The following ANO10 variants were observed in gnomAD, a reference collection of about 807,000 sequenced individuals.
The protein encoded by ANO10 is anoctamin-10.
In ANO10, 77 loss-of-function variants were observed where a neutral mutation model predicts 74.7. The observed-to-expected ratio is 1.03, with a 90% confidence interval of 0.86 to 1.25. ANO10 has a LOEUF of 1.25. ANO10 is among the 50% of genes most tolerant of loss of function. ANO10 has a pLI of 0.00. For synonymous variants in ANO10, 279 were observed against 284.9 expected, an observed-to-expected ratio of 0.98 and a Z score of 0.21; for missense variants, 721 against 778.1, an observed-to-expected ratio of 0.93 and a Z score of 0.87.
intron 11 of ANO10, among the ~76,000 whole-genome samples, chr3:43,469,498 G>C (rs1389819187): frequency 6.6e-6 from 1 of 152,104 alleles, no homozygotes; most frequent in African/African-American, 2.4e-5. Context: ...TCCAGGTCCT[G>C]TTCAGTTGTT....
intron 11 of ANO10, among the ~76,000 whole-genome samples, chr3:43,447,375 T>C (rs1201958609): frequency 6.6e-6 from 1 of 152,244 alleles, no homozygotes; most frequent in African/African-American, 2.4e-5. Context: ...CCCAAGGTGA[T>C]ATCCCTCTGG....
intron 7 of ANO10, among the ~76,000 whole-genome samples, chr3:43,568,365 A>G (rs2080491813): frequency 6.6e-6 from 1 of 152,228 alleles, no homozygotes; most frequent in Non-Finnish European, 1.5e-5. Context: ...TCTCCACCCC[A>G]TATCAACAGA....
At chr3:43,466,074 A>G (rs1175878000) in intron 11 of ANO10, among the ~76,000 whole-genome samples, 1 of 152,098 alleles carries the variant, frequency 6.6e-6, no homozygotes, top group African/African-American at 2.4e-5. Context: ...ATGAAGAGTT[A>G]AAACAACAGT....
At chr3:43,685,585 A>G (rs1362278559) in intron 1 of ANO10, among the ~76,000 whole-genome samples, 7 of 152,228 alleles carry the variant, frequency 4.6e-5, no homozygotes, top group Non-Finnish European at 7.3e-5. Context: ...TTAATTTTAC[A>G]TTTTAAAACA....
Position 43,466,795 on chromosome 3 carries a change from T to A in ANO10, c.1798-34068A>T, listed in dbSNP as rs148191116. 2.4e-4 allele frequency among the ~76,000 whole-genome samples: 37 copies of A among 152,286 alleles called. No homozygotes were observed. In the East Asian group the frequency reaches 6.0e-3, roughly 25 times the overall value. On this transcript the variant is annotated intron_variant, in intron 11 of 12. Coordinates refer to ENST00000292246, the MANE Select transcript of ANO10 (RefSeq NM_018075.5). ...AATTAAAAATTTGTCTTCAACACATTATGTTAAGTAAATGAAAAAGCACAT... is the reference window on the plus strand; with the variant it reads ...AATTAAAAATTTGTCTTCAACACATAATGTTAAGTAAATGAAAAAGCACAT...
intron 1 of ANO10, among the ~76,000 whole-genome samples, chr3:43,621,186 T>G (rs1339514397): frequency 1.3e-5 from 2 of 152,086 alleles, no homozygotes; most frequent in Non-Finnish European, 2.9e-5. Flanking sequence ...ATATAAGGTT[T>G]TACAGAAGGC....
intron 1 of ANO10, among the ~76,000 whole-genome samples, chr3:43,673,807 G>A (rs997432814): frequency 6.6e-6 from 1 of 152,024 alleles, no homozygotes; most frequent in African/African-American, 2.4e-5. Flanking sequence ...ATTTTCTGGG[G>A]CTGGGGAACA....
intron 12 of ANO10, among the ~76,000 whole-genome samples, chr3:43,432,228 G>A (rs557173733): frequency 6.0e-5 from 9 of 150,388 alleles, no homozygotes; most frequent in South Asian, 4.2e-4. Flanking sequence ...ATTCTGTCTC[G>A]CTCTCTGAAA....
chr3:43,477,850 C>T (rs767637981), intron 11 of ANO10, among the ~76,000 whole-genome samples: 6 of 152,162 alleles, frequency 3.9e-5, no homozygotes, highest in Non-Finnish European at 8.8e-5. Flanking sequence ...TTATCACTTA[C>T]AATTGGACAG....
At chr3:43,536,995 C>CA (rs5848666) in intron 11 of ANO10, among the ~76,000 whole-genome samples, 52,724 of 78,526 alleles carry the variant, frequency 0.67, 17,684 homozygotes, top group East Asian at 0.83. Flanking sequence ...TTTCATCACT[C>CA]AAAAAAAAAA....
chr3:43,656,252 G>A (rs530758485), intron 1 of ANO10, among the ~76,000 whole-genome samples: 5,119 of 151,986 alleles, frequency 0.034, 192 homozygotes, highest in Non-Finnish European at 0.045. Context: ...TGATTGGTGT[G>A]TTTACAAACC....
intron 4 of ANO10, among the ~76,000 whole-genome samples, chr3:43,591,168 C>G (rs1469934809): frequency 6.6e-6 from 1 of 152,180 alleles, no homozygotes; most frequent in African/African-American, 2.4e-5. Flanking sequence ...TGCTCCGGCT[C>G]AAGCTGAGCT....
intron 11 of ANO10, among the ~76,000 whole-genome samples, chr3:43,443,679 C>CCTTTTTTTTTTT (rs373424427): frequency 8.2e-6 from 1 of 122,034 alleles, no homozygotes. Flanking sequence ...TTCCTTCCTT[C>CCTTTTTTTTTTT]TTTTTTTTTT....
chr3:43,689,217 G>A (rs1423068451), intron 1 of ANO10: 3 of 152,238 alleles, frequency 2.0e-5, no homozygotes, highest in African/African-American at 4.8e-5. Flanking sequence ...ATTTAGAGAG[G>A]ACAACACCCA....
At chr3:43,367,537 G>A (rs377262230) in intron 12 of ANO10, among the ~76,000 whole-genome samples, 3 of 151,956 alleles carry the variant, frequency 2.0e-5, no homozygotes, top group Admixed American at 1.3e-4. Context: ...TCACCCCTCC[G>A]CCCCCATCCT....
chr3:43,531,756 G>A lies in ANO10; in HGVS notation c.1797+17964C>T, dbSNP rs149953808. Among the ~76,000 whole-genome samples the A allele has an allele frequency of 9.2e-5, 14 of 152,002 alleles. No individual in the cohort carries two copies. The East Asian group carries it at 1.4e-3, about 15-fold the overall frequency. On this transcript the variant is annotated intron_variant, in intron 11 of 12. Transcript: ENST00000292246. ...TAAAATATACAAAAATTAGCCAGGC[G>A]TGGTAGTGAGCACCTGTAGTCCCAG...
At chr3:43,611,721 A>G (rs147413329) in intron 1 of ANO10, among the ~76,000 whole-genome samples, 216 of 152,332 alleles carry the variant, frequency 1.4e-3, no homozygotes, top group Middle Eastern at 6.8e-3. Flanking sequence ...ACTGGCTACT[A>G]GTATAAATAG....
At chr3:43,593,228 G>C (rs547475092) in intron 4 of ANO10, among the ~76,000 whole-genome samples, 1 of 152,260 alleles carries the variant, frequency 6.6e-6, no homozygotes, top group South Asian at 2.1e-4. Flanking sequence ...AGCAAGGCAG[G>C]CCAACATTCA....
chr3:43,497,734 G>A (rs1041912574), intron 11 of ANO10, among the ~76,000 whole-genome samples: 1 of 152,120 alleles, frequency 6.6e-6, no homozygotes, highest in Non-Finnish European at 1.5e-5. Flanking sequence ...GCATGGGGGA[G>A]GGAAGCAGCA....
Sources: gnomAD v4.1 joint callset for allele counts (sites outside exome capture counted in the v4.1 genomes callset) on GRCh38, gnomAD v4.1.1 for gene constraint, MANE v1.5 for transcripts, NCBI Gene and HGNC (gene_info 2026-07-23, HGNC 2026-07-21) for gene names.